Variants in TMPRSS9 observed in about 807,000 individuals in gnomAD.
The protein encoded by TMPRSS9 is transmembrane protease serine 9.
A neutral mutation model predicts 111.4 loss-of-function variants in TMPRSS9; 113 were observed. The ratio of observed to expected loss-of-function variants is 1.01; its 90% CI spans 0.87 to 1.19. The LOEUF (loss-of-function observed/expected upper bound fraction) is 1.19, where lower values mean the gene tolerates loss of function less well. TMPRSS9 is among the 50% of genes most tolerant of loss of function. TMPRSS9 has a pLI of 0.00. For synonymous variants in TMPRSS9, 805 were observed against 659.1 expected (o/e 1.22, Z -3.39); for missense variants, 1,803 against 1,513.1 (o/e 1.19, Z -3.18).
At chr19:2,426,034 C>A (rs1247963881) in exon 18 of TMPRSS9, 4 of 1,609,124 alleles carry the variant, frequency 2.5e-6, no homozygotes, top group Non-Finnish European at 3.4e-6. Context: ...TCCCAGGTGT[C>A]TATACCCGGG....
chr19:2,414,815 T>C (rs62120757), intron 10 of TMPRSS9, among the ~76,000 whole-genome samples: 50,100 of 149,584 alleles, frequency 0.33, 9,602 homozygotes, highest in African/African-American at 0.53. Flanking sequence ...TGCAGTGAGC[T>C]GATACGGTGA....
chr19:2,381,750 G>A (rs950929203), intron 1 of TMPRSS9, among the ~76,000 whole-genome samples: 1 of 152,258 alleles, frequency 6.6e-6, no homozygotes, highest in Non-Finnish European at 1.5e-5. Flanking sequence ...TTCTGGCTGG[G>A]CCCCAGCATA....
At chr19:2,401,489 G>A (rs1599295953) in intron 4 of TMPRSS9, among the ~76,000 whole-genome samples, 4 of 152,166 alleles carry the variant, frequency 2.6e-5, no homozygotes, top group African/African-American at 4.8e-5. Context: ...ACTGAGGATC[G>A]GTGTTGAAGT....
At chr19:2,365,587 T>C (rs1446632598) in intron 1 of TMPRSS9, among the ~76,000 whole-genome samples, 1 of 151,178 alleles carries the variant, frequency 6.6e-6, no homozygotes. Flanking sequence ...TGTGATCATC[T>C]TGGATTAGGT....
intron 1 of TMPRSS9, among the ~76,000 whole-genome samples, chr19:2,379,655 TTCTTTCTTTCTTTCTTTCTTTC>T (rs1244978277): frequency 1.9e-4 from 28 of 149,816 alleles, no homozygotes; most frequent in African/African-American, 6.5e-4. Flanking sequence ...CTTTCTTTCT[TTCTTTCTTTCTTTCTTTCTTTC>T]TCTTTTTCTT....
At chr19:2,390,817 C>T (rs1970574023) in intron 1 of TMPRSS9, among the ~76,000 whole-genome samples, 2 of 151,644 alleles carry the variant, frequency 1.3e-5, no homozygotes, top group African/African-American at 4.8e-5. Flanking sequence ...CGCACCACTG[C>T]ACTCCAGCCT....
At chr19:2,398,995 G>A in intron 3 of TMPRSS9, 23 bp from the exon 5 acceptor site, 1 of 1,603,908 alleles carries the variant, frequency 6.2e-7, no homozygotes, top group Non-Finnish European at 8.5e-7. Flanking sequence ...CCCTCTCCAA[G>A]GGCCTCTCCT....
chr19:2,371,717 A>C (rs1029264180), intron 1 of TMPRSS9, among the ~76,000 whole-genome samples: 2 of 143,724 alleles, frequency 1.4e-5, no homozygotes, highest in Non-Finnish European at 3.0e-5. Context: ...AACCAAGAAA[A>C]AAAAAAAACA....
chr19:2,386,456 G>C (rs1484598222), upstream of TMPRSS9, among the ~76,000 whole-genome samples: 2 of 150,048 alleles, frequency 1.3e-5, no homozygotes, highest in Non-Finnish European at 3.0e-5. Context: ...AGTGAGCCGA[G>C]ATCGCGCCAC....
intron 1 of TMPRSS9, among the ~76,000 whole-genome samples, chr19:2,369,989 C>T (rs1299408600): frequency 6.6e-6 from 1 of 152,072 alleles, no homozygotes; most frequent in Non-Finnish European, 1.5e-5. Context: ...TGGCAGGTCA[C>T]TTGAGGTCAG....
upstream of TMPRSS9, among the ~76,000 whole-genome samples, chr19:2,387,311 A>G (rs894322404): frequency 6.6e-6 from 1 of 152,134 alleles, no homozygotes; most frequent in Non-Finnish European, 1.5e-5. Context: ...CCTGGCCAAC[A>G]TGGCAAAACC....
chr19:2,422,393 C>T (rs1469127845), intron 14 of TMPRSS9, 146 bp downstream of exon 15: 2 of 1,041,258 alleles, frequency 1.9e-6, no homozygotes, highest in Non-Finnish European at 2.6e-6. Context: ...TCCTGGCGAA[C>T]ACGGTGAAAC....
chr19:2,411,149 A>C (rs1971085541), intron 9 of TMPRSS9, among the ~76,000 whole-genome samples: 1 of 151,032 alleles, frequency 6.6e-6, no homozygotes, highest in Admixed American at 6.6e-5. Context: ...AAAATACAAA[A>C]ATTAGCCTGG....
Position 2,422,095 on chromosome 19 carries a change from CG to C in TMPRSS9, c.2401del (p.Ala801ProfsTer14), listed in dbSNP as rs1971479161. The C allele has an allele frequency of 1.2e-6, 2 of 1,606,646 alleles. No individual in the cohort carries two copies. The highest frequency in any genetic ancestry group is 1.1e-5 in the South Asian group (1 of 90,534). ...AGGACGACAGCTGGCCTCACAGTCC[CG>C]GGGGCCACACCCAGCAGACCCACCC... is the stretch of plus-strand genomic sequence containing the variant. On this transcript the variant is annotated frameshift_variant, in exon 14 of 18. Coordinates refer to ENST00000648592, the Ensembl canonical transcript of TMPRSS9. LOFTEE classifies it high-confidence loss of function.
At chr19:2,377,537 CCT>C (rs1258405830) in intron 1 of TMPRSS9, among the ~76,000 whole-genome samples, 1 of 20,652 alleles carries the variant, frequency 4.8e-5, no homozygotes, top group Non-Finnish European at 8.2e-5. Flanking sequence ...TCCCCTCTCC[CCT>C]CTCCCCTCCC....
At chr19:2,409,176 T>C (rs969391961) in intron 8 of TMPRSS9, among the ~76,000 whole-genome samples, 1 of 149,560 alleles carries the variant, frequency 6.7e-6, no homozygotes, top group African/African-American at 2.5e-5. Flanking sequence ...GTTTTGCTCT[T>C]GTTGCCCAGG....
At chr19:2,363,701 G>A (rs2145235911) in intron 1 of TMPRSS9, among the ~76,000 whole-genome samples, 1 of 151,862 alleles carries the variant, frequency 6.6e-6, no homozygotes, top group African/African-American at 2.4e-5. Flanking sequence ...ACCTGGCTTA[G>A]CTGGGGAGCA....
chr19:2,425,528 G>T, intron 17 of TMPRSS9, 35 bp downstream of exon 18: 1 of 1,502,404 alleles, frequency 6.7e-7, no homozygotes. Flanking sequence ...ACCAGGTCCC[G>T]CCCAGCCGCC....
chr19:2,404,398 C>G (rs969492623), intron 6 of TMPRSS9, among the ~76,000 whole-genome samples: 2 of 151,912 alleles, frequency 1.3e-5, no homozygotes, highest in Non-Finnish European at 2.9e-5. Flanking sequence ...AGAATAAAGG[C>G]TGGGTGCAGT....
Sources: allele counts gnomAD v4.1 joint callset (sites outside exome capture counted in the v4.1 genomes callset), GRCh38; gene constraint gnomAD v4.1.1; transcripts MANE v1.5; gene names NCBI Gene and HGNC (gene_info 2026-07-23, HGNC 2026-07-21).